The following GSTCD variants were observed in gnomAD, a reference collection of about 807,000 sequenced individuals.
GSTCD encodes the protein glutathione S-transferase C-terminal domain containing.
A neutral mutation model predicts 68.3 loss-of-function variants in GSTCD; 44 were observed. The ratio of observed to expected loss-of-function variants is 0.64; its 90% CI spans 0.51 to 0.83. The LOEUF (loss-of-function observed/expected upper bound fraction) is 0.83. Ranked by LOEUF, GSTCD falls within the 40% of genes least tolerant of loss-of-function variation. GSTCD has a pLI of 0.00. For synonymous variants in GSTCD, 273 were observed against 255.2 expected (o/e 1.07, Z -0.67); for missense variants, 739 against 735.9 (o/e 1.00, Z -0.05).
intron 4 of GSTCD, among the ~76,000 whole-genome samples, chr4:105,728,476 T>G (rs1254875256): frequency 6.6e-6 from 1 of 152,130 alleles, no homozygotes; most frequent in Non-Finnish European, 1.5e-5. Context: ...TCTGGGCTTG[T>G]AGATCAATAG....
chr4:105,827,321 A>G (rs1578516039), intron 8 of GSTCD: 1 of 152,280 alleles, frequency 6.6e-6, no homozygotes, highest in East Asian at 1.9e-4. Context: ...CATGACTTAT[A>G]GATGCTAAAT....
At chr4:105,743,813 C>T (rs1375754627) in intron 5 of GSTCD, among the ~76,000 whole-genome samples, 5 of 151,858 alleles carry the variant, frequency 3.3e-5, no homozygotes, top group Non-Finnish European at 7.4e-5. Context: ...CGCCCGCCAC[C>T]ACGCCCGGCT....
Position 105,736,481 on chromosome 4 carries a change from A to C in GSTCD, c.1240+6982A>C, listed in dbSNP as rs558023037. 2.0e-5 allele frequency among the ~76,000 whole-genome samples: 3 copies of C among 152,296 alleles called. No individual in the cohort carries two copies. The East Asian group carries it at 5.8e-4, about 29-fold the overall frequency. On this transcript the variant is annotated intron_variant, in intron 5 of 11. Transcript: ENST00000515279. Reference sequence around the variant, plus strand: ...ATATTTGTTATTTTTTCATTGACACATAGTAATTGTGCATATTTTTGGGGA... The same window carrying C: ...ATATTTGTTATTTTTTCATTGACACCTAGTAATTGTGCATATTTTTGGGGA...
intron 5 of GSTCD, among the ~76,000 whole-genome samples, chr4:105,767,212 A>T (rs1734651224): frequency 6.6e-6 from 1 of 152,070 alleles, no homozygotes; most frequent in Non-Finnish European, 1.5e-5. Context: ...TGAACAGTTG[A>T]CCGCATGTGA....
At chr4:105,763,510 C>T (rs2553452) in intron 5 of GSTCD, among the ~76,000 whole-genome samples, 141,401 of 152,242 alleles carry the variant, frequency 0.93, 65,694 homozygotes, top group East Asian at 0.97. Flanking sequence ...ACTAGTAAAA[C>T]GCAGAGTTGA....
chr4:105,773,905 A>G (rs1156431233), intron 5 of GSTCD, among the ~76,000 whole-genome samples: 1 of 152,126 alleles, frequency 6.6e-6, no homozygotes, highest in Non-Finnish European at 1.5e-5. Flanking sequence ...AATTTTGAAT[A>G]TCCTTGTTAA....
At chr4:105,748,138 C>T (rs1387176552) in intron 5 of GSTCD, among the ~76,000 whole-genome samples, 11 of 151,892 alleles carry the variant, frequency 7.2e-5, no homozygotes, top group Admixed American at 6.6e-4. Flanking sequence ...GCCTGTAGTC[C>T]CAGCTACTTG....
chr4:105,729,347 A>G (rs1295784774), intron 4 of GSTCD, 59 bp from the exon 5 acceptor site: 4 of 1,038,284 alleles, frequency 3.9e-6, no homozygotes, highest in Admixed American at 2.1e-5. Flanking sequence ...TTAGCCTTCA[A>G]TAATATAATA....
At chr4:105,774,692 G>A (rs1734984800) in intron 5 of GSTCD, among the ~76,000 whole-genome samples, 1 of 152,180 alleles carries the variant, frequency 6.6e-6, no homozygotes, top group Non-Finnish European at 1.5e-5. Flanking sequence ...ACTCTCTTCT[G>A]GCTTGTAGGT....
At chr4:105,791,580 C>T (rs909918135) in intron 5 of GSTCD, among the ~76,000 whole-genome samples, 2 of 152,010 alleles carry the variant, frequency 1.3e-5, no homozygotes, top group Non-Finnish European at 1.5e-5. Flanking sequence ...TTTGTCCTTC[C>T]ACATTCCTGT....
intron 5 of GSTCD, among the ~76,000 whole-genome samples, chr4:105,738,064 T>G (rs1202154215): frequency 6.6e-6 from 1 of 152,214 alleles, no homozygotes; most frequent in African/African-American, 2.4e-5. Flanking sequence ...GGAAGCTTCC[T>G]AAGACCCTTA....
chr4:105,840,143 C>A, intron 10 of GSTCD: 1 of 443,932 alleles, frequency 2.3e-6, no homozygotes, highest in Non-Finnish European at 4.5e-6. Context: ...ACAAATAATT[C>A]CAATAAAATA....
At chr4:105,844,434 GTC>G (rs1465312781) in intron 11 of GSTCD, among the ~76,000 whole-genome samples, 2 of 152,124 alleles carry the variant, frequency 1.3e-5, no homozygotes, top group Non-Finnish European at 2.9e-5. Context: ...TTAAATGTGA[GTC>G]TCTCATTGCT....
At chr4:105,784,922 T>C (rs1735406591) in intron 5 of GSTCD, among the ~76,000 whole-genome samples, 1 of 152,178 alleles carries the variant, frequency 6.6e-6, no homozygotes, top group Admixed American at 6.6e-5. Flanking sequence ...GTTCCAAGAT[T>C]ATATTGTCCT....
At chr4:105,784,668 C>A (rs1735398394) in intron 5 of GSTCD, among the ~76,000 whole-genome samples, 1 of 152,202 alleles carries the variant, frequency 6.6e-6, no homozygotes, top group African/African-American at 2.4e-5. Flanking sequence ...CATTAATTGG[C>A]AAACTAAGGA....
intron 5 of GSTCD, among the ~76,000 whole-genome samples, chr4:105,820,227 T>C (rs1040323225): frequency 1.3e-5 from 2 of 151,770 alleles, no homozygotes; most frequent in Non-Finnish European, 3.0e-5. Context: ...CCTTTACCTC[T>C]GTACTTTCTT....
chr4:105,774,415 C>T (rs1477719549), intron 5 of GSTCD, among the ~76,000 whole-genome samples: 2 of 152,124 alleles, frequency 1.3e-5, no homozygotes, highest in Non-Finnish European at 2.9e-5. Context: ...GGTTATTTTG[C>T]CCATTAGTTG....
At chr4:105,711,352 T>C (rs2149200598) in intron 1 of GSTCD, among the ~76,000 whole-genome samples, 1 of 152,390 alleles carries the variant, frequency 6.6e-6, no homozygotes, top group East Asian at 1.9e-4. Context: ...GGTTTCACGT[T>C]TATATTTTAC....
chr4:105,815,637 T>C (rs1722946097), intron 5 of GSTCD, among the ~76,000 whole-genome samples: 1 of 152,186 alleles, frequency 6.6e-6, no homozygotes, highest in Non-Finnish European at 1.5e-5. Flanking sequence ...TTCAGACTAC[T>C]ACAGTGGCAT....
Sources: allele counts gnomAD v4.1 joint callset (sites outside exome capture counted in the v4.1 genomes callset), GRCh38; gene constraint gnomAD v4.1.1; transcripts MANE v1.5; gene names NCBI Gene and HGNC (gene_info 2026-07-23, HGNC 2026-07-21).